The following NLGN1 variants were observed in gnomAD, a reference collection of about 807,000 sequenced individuals.
The protein encoded by NLGN1 is neuroligin-1.
NLGN1 carries 12 observed loss-of-function variants against 65.5 expected under a neutral mutation model. The observed-to-expected ratio is 0.18, with a 90% confidence interval of 0.12 to 0.30. The LOEUF (loss-of-function observed/expected upper bound fraction) is 0.30. NLGN1 is among the 10% of genes least tolerant of loss of function. The pLI, the probability that NLGN1 is intolerant of heterozygous loss-of-function variation, is 1.00. For missense variants in NLGN1, 750 were observed against 1,007.1 expected (o/e 0.74, Z 3.46); for synonymous variants, 350 against 359.5 (o/e 0.97, Z 0.30).
intron 4 of NLGN1, among the ~76,000 whole-genome samples, chr3:174,010,096 G>A (rs1308440805): frequency 6.6e-6 from 1 of 152,016 alleles, no homozygotes; most frequent in African/African-American, 2.4e-5. Flanking sequence ...CTTTTGAATG[G>A]GTATTCTAGA....
At chr3:174,008,062 G>A (rs1205820831) in intron 4 of NLGN1, among the ~76,000 whole-genome samples, 1 of 151,998 alleles carries the variant, frequency 6.6e-6, no homozygotes, top group Non-Finnish European at 1.5e-5. Context: ...TCTCAGAAGA[G>A]CTCTGTATCC....
intron 4 of NLGN1, among the ~76,000 whole-genome samples, chr3:173,974,591 T>C (rs1016655375): frequency 3.3e-5 from 5 of 152,088 alleles, no homozygotes; most frequent in African/African-American, 1.2e-4. Flanking sequence ...AAAAGATTTT[T>C]AGAAACATAT....
intron 2 of NLGN1, among the ~76,000 whole-genome samples, chr3:173,450,668 G>A (rs564139332): frequency 3.2e-4 from 48 of 152,272 alleles, no homozygotes; most frequent in Non-Finnish European, 5.1e-4. Flanking sequence ...TTCCAACTTG[G>A]TTCCATTCTC....
chr3:173,623,031 A>T (rs1754252852), intron 3 of NLGN1, among the ~76,000 whole-genome samples: 1 of 152,128 alleles, frequency 6.6e-6, no homozygotes. Flanking sequence ...GTTGAGTCCC[A>T]GGGAACTTCA....
At chr3:173,747,196 ATAAT>A (rs911592739) in intron 3 of NLGN1, among the ~76,000 whole-genome samples, 1 of 137,164 alleles carries the variant, frequency 7.3e-6, no homozygotes, top group African/African-American at 2.9e-5. Flanking sequence ...CAATATATAT[ATAAT>A]ATATATATCT....
At chr3:173,617,094 T>C (rs1041667280) in intron 3 of NLGN1, among the ~76,000 whole-genome samples, 1 of 152,160 alleles carries the variant, frequency 6.6e-6, no homozygotes, top group Admixed American at 6.5e-5. Flanking sequence ...CCTTCTACTT[T>C]TAATGTACCT....
At chr3:173,929,167 T>G (rs1013174716) in intron 4 of NLGN1, among the ~76,000 whole-genome samples, 2 of 152,144 alleles carry the variant, frequency 1.3e-5, no homozygotes, top group East Asian at 1.9e-4. Context: ...TATACAAAAC[T>G]TACATGAAGT....
chr3:173,872,465 T>C (rs1025442445), intron 4 of NLGN1, among the ~76,000 whole-genome samples: 2 of 152,176 alleles, frequency 1.3e-5, no homozygotes, highest in African/African-American at 2.4e-5. Context: ...ACTGGATTTT[T>C]CCAATGATCT....
chr3:173,445,301 A>G, intron 2 of NLGN1, among the ~76,000 whole-genome samples: 1 of 146,272 alleles, frequency 6.8e-6, no homozygotes. Context: ...AAAAACAAGG[A>G]CTTGTGTGAA....
At chr3:173,942,130 GTGTGTGTGTGTATGTGTGTGTGTGTGTA>G (rs1746237001) in intron 4 of NLGN1, among the ~76,000 whole-genome samples, 1 of 148,770 alleles carries the variant, frequency 6.7e-6, no homozygotes, top group Non-Finnish European at 1.5e-5. Context: ...GTGTGTGTGT[GTGTGTGTGTGTATGTGTGTGTGTGTGTA>G]TGTGTATATA....
intron 4 of NLGN1, among the ~76,000 whole-genome samples, chr3:173,854,951 A>G (rs1196731271): frequency 6.6e-6 from 1 of 152,122 alleles, no homozygotes; most frequent in Non-Finnish European, 1.5e-5. Context: ...AAACTAGTAA[A>G]TGTTTTGTTC....
intron 2 of NLGN1, among the ~76,000 whole-genome samples, chr3:173,480,531 T>A (rs1727099635): frequency 6.6e-6 from 1 of 152,178 alleles, no homozygotes. Flanking sequence ...TCATGGGGTC[T>A]GGATAATACT....
rs1305458487 is a variant in NLGN1 at position 174,079,597 on chromosome 3, C to T, written c.647-195718C>T. 6.6e-5 allele frequency among the ~76,000 whole-genome samples: 10 copies of T among 152,192 alleles called. No homozygotes were observed. In the East Asian group the frequency reaches 1.2e-3, roughly 18 times the overall value. ...TATAAAGACATGCATATGTTCATTG[C>T]GGCAATATTCACAAAAGCAAAGACA... On this transcript the variant is annotated intron_variant, in intron 4 of 6. Coordinates refer to ENST00000457714, the Ensembl canonical transcript of NLGN1.
At chr3:174,010,557 A>T (rs1725331301) in intron 4 of NLGN1, among the ~76,000 whole-genome samples, 1 of 152,166 alleles carries the variant, frequency 6.6e-6, no homozygotes, top group Non-Finnish European at 1.5e-5. Flanking sequence ...CATACACAAC[A>T]TTTCTTTCTG....
At chr3:173,875,649 T>C (rs1277548317) in intron 4 of NLGN1, among the ~76,000 whole-genome samples, 6 of 152,218 alleles carry the variant, frequency 3.9e-5, no homozygotes, top group Non-Finnish European at 1.5e-5. Flanking sequence ...GAAAATATTA[T>C]GATTTTAAAC....
intron 4 of NLGN1, among the ~76,000 whole-genome samples, chr3:174,216,524 T>G (rs1230229822): frequency 1.3e-5 from 2 of 152,110 alleles, no homozygotes; most frequent in African/African-American, 4.8e-5. Flanking sequence ...GTGTTAGTCT[T>G]GGGAAACTGA....
chr3:173,845,209 A>G (rs1725492673), intron 4 of NLGN1, among the ~76,000 whole-genome samples: 1 of 152,234 alleles, frequency 6.6e-6, no homozygotes, highest in Non-Finnish European at 1.5e-5. Context: ...TAGTGGAACA[A>G]ATATGTTTTT....
intron 4 of NLGN1, among the ~76,000 whole-genome samples, chr3:174,173,438 A>C (rs1728904124): frequency 6.6e-6 from 1 of 152,042 alleles, no homozygotes; most frequent in South Asian, 2.1e-4. Flanking sequence ...GATATTAGCT[A>C]TGTGTCTGTC....
At chr3:173,778,355 T>G (rs1321480192) in intron 3 of NLGN1, among the ~76,000 whole-genome samples, 1 of 151,862 alleles carries the variant, frequency 6.6e-6, no homozygotes, top group African/African-American at 2.4e-5. Flanking sequence ...GACTAGAGTC[T>G]CGAATAATTT....
Sources: gnomAD v4.1 joint callset for allele counts (sites outside exome capture counted in the v4.1 genomes callset) on GRCh38, gnomAD v4.1.1 for gene constraint, MANE v1.5 for transcripts, NCBI Gene and HGNC (gene_info 2026-07-23, HGNC 2026-07-21) for gene names.